The following ATP8A2 variants were observed in gnomAD, a reference collection of about 807,000 sequenced individuals.
ATP8A2 encodes ATPase phospholipid transporting 8A2, also known as phospholipid-transporting ATPase IB.
In ATP8A2, 100 loss-of-function variants were observed where a neutral mutation model predicts 165.6. That is an observed-to-expected ratio of 0.60 (90% CI 0.51 to 0.71). The LOEUF is 0.71. Among genes scored for constraint, ATP8A2 ranks in the 30% least tolerant of loss-of-function variants. ATP8A2 has a pLI of 0.00. For synonymous variants in ATP8A2, 543 were observed against 548.8 expected, an observed-to-expected ratio of 0.99 and a Z score of 0.15; for missense variants, 1,227 against 1,479.5, an observed-to-expected ratio of 0.83 and a Z score of 2.80.
At chr13:25,731,676 T>G (rs1392634828) in intron 25 of ATP8A2, among the ~76,000 whole-genome samples, 1 of 152,158 alleles carries the variant, frequency 6.6e-6, no homozygotes, top group Non-Finnish European at 1.5e-5. Flanking sequence ...ATTCACAGAA[T>G]GTGGAATATA....
At chr13:25,904,002 T>A (rs1297004088) in intron 33 of ATP8A2, among the ~76,000 whole-genome samples, 2 of 152,188 alleles carry the variant, frequency 1.3e-5, no homozygotes, top group African/African-American at 4.8e-5. Flanking sequence ...ACTCTGCAGA[T>A]TGAGGATCCC....
intron 24 of ATP8A2, among the ~76,000 whole-genome samples, chr13:25,651,439 CA>C (rs201232779): frequency 0.025 from 3,527 of 140,726 alleles, 220 homozygotes; most frequent in East Asian, 0.25. Context: ...GAGACTGTTT[CA>C]AAAAAAAAAA....
In ATP8A2 at chr13:25,839,609, A is replaced by G. The variant is rs778205961; in HGVS notation, c.2941A>G (p.Lys981Glu). 2 of 1,613,826 alleles carry G rather than the reference A, an allele frequency of 1.2e-6. No individual in the cohort carries two copies. The highest frequency in any genetic ancestry group is 1.7e-6 in the Non-Finnish European group (2 of 1,179,828). The change falls in exon 30 of 37, where the codon AAA (lysine) becomes GAA (glutamate). Residue 981 changes from lysine (K) to glutamate (E), a missense_variant. Transcript: ENST00000381655. ...CCTCATCCTCTTCTGGTTTCCCATG[A>G]AAGCTCTGGAGCATGGTAAGGGCTG... is the stretch of plus-strand genomic sequence containing the variant. ...HSLILFWFPM[K>E]ALEHDTVLTS...
chr13:25,678,862 G>A (rs1048402557), intron 24 of ATP8A2, among the ~76,000 whole-genome samples: 11 of 152,170 alleles, frequency 7.2e-5, no homozygotes, highest in African/African-American at 2.4e-4. Flanking sequence ...GGAGGAAAGC[G>A]ATGTATGTGA....
At chr13:25,585,037 T>G (rs4072622) in intron 23 of ATP8A2, among the ~76,000 whole-genome samples, 90,768 of 151,776 alleles carry the variant, frequency 0.6, 28,743 homozygotes, top group Middle Eastern at 0.71. Flanking sequence ...GTTTAACTTT[T>G]TATTCATACC....
chr13:25,403,633 TG>T (rs2033708738), intron 1 of ATP8A2, among the ~76,000 whole-genome samples: 2 of 152,190 alleles, frequency 1.3e-5, no homozygotes, highest in Non-Finnish European at 2.9e-5. Flanking sequence ...GGAGATTAGG[TG>T]GTTGCCTCTA....
chr13:25,614,064 G>A (rs766759382), intron 24 of ATP8A2, among the ~76,000 whole-genome samples: 1 of 152,178 alleles, frequency 6.6e-6, no homozygotes, highest in African/African-American at 2.4e-5. Context: ...TGAGCTTCCT[G>A]TAGTCTAGAT....
At chr13:25,853,396 A>AAAATATATAT (rs1555278504) in intron 30 of ATP8A2, among the ~76,000 whole-genome samples, 4 of 107,840 alleles carry the variant, frequency 3.7e-5, no homozygotes, top group South Asian at 2.9e-4. Context: ...ATCTAAAAAA[A>AAAATATATAT]ATATATATAT....
At chr13:25,485,477 C>T (rs573569752) in intron 2 of ATP8A2, among the ~76,000 whole-genome samples, 2 of 152,352 alleles carry the variant, frequency 1.3e-5, no homozygotes, top group African/African-American at 4.8e-5. Context: ...CACACATAGG[C>T]ACATGCCATA....
chr13:25,376,984 TC>T (rs2032651740), intron 1 of ATP8A2, among the ~76,000 whole-genome samples: 1 of 152,190 alleles, frequency 6.6e-6, no homozygotes, highest in Admixed American at 6.5e-5. Flanking sequence ...TACAAGGCCG[TC>T]TTCTACCCCA....
At chr13:25,889,263 TATATATATATAA>T (rs1279770677) in intron 33 of ATP8A2, among the ~76,000 whole-genome samples, 1 of 145,852 alleles carries the variant, frequency 6.9e-6, no homozygotes, top group African/African-American at 2.5e-5. Flanking sequence ...TATATATATA[TATATATATATAA>T]AATTTAAATG....
At chr13:25,833,126 C>A (rs1248895552) in intron 28 of ATP8A2, among the ~76,000 whole-genome samples, 1 of 150,838 alleles carries the variant, frequency 6.6e-6, no homozygotes, top group Non-Finnish European at 1.5e-5. Flanking sequence ...AGTACGAATT[C>A]TTTCAAAAAA....
At chr13:25,890,693 C>A (rs1055565088) in intron 33 of ATP8A2, among the ~76,000 whole-genome samples, 1 of 152,094 alleles carries the variant, frequency 6.6e-6, no homozygotes, top group Non-Finnish European at 1.5e-5. Flanking sequence ...AGTAGAAATA[C>A]GAAAATATTT....
At chr13:25,551,592 C>A in intron 11 of ATP8A2, 89 bp downstream of exon 11, 3 of 1,283,220 alleles carry the variant, frequency 2.3e-6, no homozygotes, top group Non-Finnish European at 3.3e-6. Flanking sequence ...GGTGTCCCTG[C>A]TGTCCTTCTG....
At chr13:25,796,685 C>G (rs1481709309) in intron 27 of ATP8A2, among the ~76,000 whole-genome samples, 2 of 152,136 alleles carry the variant, frequency 1.3e-5, no homozygotes, top group Non-Finnish European at 2.9e-5. Context: ...TACACAGAGC[C>G]CTTATCTGGA....
rs761451341 is a variant in ATP8A2, at chr13:25,559,051, G to A, written c.1342G>A (p.Val448Ile). ...MNFKKCSIAG[V>I]TYGHFPELAR... ...CTTTAAGAAGTGCAGCATTGCCGGA[G>A]TAACCTATGGGTCAGTGTGTTTATC... The change falls in exon 14 of 37, where the codon GTA becomes ATA. Residue 448 changes from valine (V) to isoleucine (I), a missense_variant. Val to Ile is a conservative substitution (Grantham distance 29). Transcript: ENST00000381655. 5.6e-6 allele frequency: 9 copies of A among 1,606,452 alleles called. No homozygotes were observed. In the South Asian group the frequency reaches 8.8e-5, roughly 16 times the overall value.
chr13:25,718,375 C>T (rs1247569213), intron 25 of ATP8A2, among the ~76,000 whole-genome samples: 1 of 147,232 alleles, frequency 6.8e-6, no homozygotes, highest in African/African-American at 2.7e-5. Context: ...TAGAGTTTTT[C>T]GTTTGCTATT....
intron 27 of ATP8A2, among the ~76,000 whole-genome samples, chr13:25,801,417 A>G (rs1305521218): frequency 6.6e-6 from 1 of 152,160 alleles, no homozygotes; most frequent in African/African-American, 2.4e-5. Flanking sequence ...GGCCAAACAC[A>G]TAACTCTTTT....
intron 30 of ATP8A2, among the ~76,000 whole-genome samples, chr13:25,852,916 A>T (rs1005420854): frequency 6.6e-6 from 1 of 151,962 alleles, no homozygotes; most frequent in Admixed American, 6.5e-5. Context: ...GAAAAAAAAA[A>T]AATTACAGTT....
Sources: gnomAD v4.1 joint callset for allele counts (sites outside exome capture counted in the v4.1 genomes callset) on GRCh38, gnomAD v4.1.1 for gene constraint, MANE v1.5 for transcripts, NCBI Gene and HGNC (gene_info 2026-07-23, HGNC 2026-07-21) for gene names.